Variants in SLCO4A1 observed in about 807,000 individuals in gnomAD.
The protein encoded by SLCO4A1 is solute carrier organic anion transporter family member 4A1, also known as colon organic anion transporter.
A neutral mutation model predicts 64.6 loss-of-function variants in SLCO4A1; 51 were observed. The ratio of observed to expected loss-of-function variants is 0.79; its 90% CI spans 0.63 to 1.00. The LOEUF is 1.00. Ranked by LOEUF, SLCO4A1 falls within the 50% of genes least tolerant of loss-of-function variation. The probability of loss-of-function intolerance (pLI) is 0.00; values close to 1 mark genes in which losing one functional copy is unlikely to be tolerated. For missense variants in SLCO4A1, 919 were observed against 980.5 expected, an observed-to-expected ratio of 0.94 and a Z score of 0.84; for synonymous variants, 471 against 444.9, an observed-to-expected ratio of 1.06 and a Z score of -0.74.
intron 2 of SLCO4A1, among the ~76,000 whole-genome samples, chr20:62,682,990 A>G (rs1040265313): frequency 1.3e-5 from 2 of 152,168 alleles, no homozygotes; most frequent in Non-Finnish European, 2.9e-5. Context: ...CCGCGGATGG[A>G]CCCTGAAGCT....
chr20:62,661,041 C>CCCCCCCCCCCCCCCCAAA lies in SLCO4A1; in HGVS notation c.1010-23_1010-22insCCCCCCCCCCCCCCCAAA. 23 of 1,424,114 alleles carry CCCCCCCCCCCCCCCCAAA rather than the reference C, an allele frequency of 1.6e-5. No individual in the cohort carries two copies. The highest frequency in any genetic ancestry group is 2.3e-5 in the Non-Finnish European group (23 of 1,010,114). 88.2% of individuals were successfully genotyped at this position (1,424,114 alleles called of 1,614,324 possible). A position where few individuals can be genotyped will look rare whatever the true frequency, so the allele number is the denominator to read the frequency against. ...TCCGGGAGCCCCCAGCCCCCAGCCC[C>CCCCCCCCCCCCCCCCAAA]AGCTCACTCTGTGCCCTTCCAGGCT... On this transcript the variant is annotated intron_variant, in intron 4 of 11. Coordinates refer to ENST00000217159, the MANE Select transcript of SLCO4A1 (RefSeq NM_016354.4). This position sits in a 1 kb window ranked among gnomAD's most constrained non-coding sequence, Gnocchi z 5.2.
Position 62,670,242 on chromosome 20 carries a change from C to T in SLCO4A1, c.2025+1164C>T, listed in dbSNP as rs190531600. On this transcript the variant is annotated intron_variant, in intron 11 of 11. Coordinates refer to ENST00000217159, the MANE Select transcript of SLCO4A1 (RefSeq NM_016354.4). ...ACTCTCTGTTAGGCGCGTCTCTGCT[C>T]AGGGAGTGGTGGTGTTTGGGGAAGC... 4.2e-4 allele frequency: 64 copies of T among 152,362 alleles called. 1 individual carries two copies. Among genetic ancestry groups the T allele is most frequent in the Admixed American group, 1.2e-3 (18 of 15,306 alleles). 9.4% of individuals were successfully genotyped at this position (152,362 alleles called of 1,614,324 possible). A position where few individuals can be genotyped will look rare whatever the true frequency, so the allele number is the denominator to read the frequency against.
intron 5 of SLCO4A1, among the ~76,000 whole-genome samples, chr20:62,662,835 C>G (rs895291540): frequency 1.5e-5 from 1 of 68,330 alleles, no homozygotes; most frequent in African/African-American, 5.2e-5. Context: ...ACCCCAGCCC[C>G]ATCCCCCCAC....
chr20:62,666,571 G>A lies in SLCO4A1; in HGVS notation c.1468G>A (p.Gly490Arg), dbSNP rs577773991. 3.3e-5 allele frequency: 53 copies of A among 1,611,918 alleles called. No homozygotes were observed. The highest frequency in any genetic ancestry group is 2.3e-4 in the Admixed American group (14 of 60,024). The change falls in exon 7 of 12, where the codon GGG becomes AGG. Residue 490 changes from glycine to arginine, a missense_variant. Transcript: ENST00000217159. ...PMAGVTASYG[G>R]SLLPEGHLNL... ...GGCGGGCGTCACAGCCAGCTACGGCGGGAGGTGAGGGCCAGATGGCACCTG... is the reference window on the plus strand; with the variant it reads ...GGCGGGCGTCACAGCCAGCTACGGCAGGAGGTGAGGGCCAGATGGCACCTG...
At chr20:62,656,038 G>T (rs984761801) in intron 1 of SLCO4A1, among the ~76,000 whole-genome samples, 4 of 152,232 alleles carry the variant, frequency 2.6e-5, no homozygotes, top group African/African-American at 7.2e-5. Flanking sequence ...CATCTCAGTA[G>T]GCCTTGCCCC....
At position 62,661,214 on chromosome 20, in the gene SLCO4A1, AC is replaced by A; in HGVS notation, c.1121+42del. ...TCGGGAGGGTTCCTAGTGTCCTCAG[AC>A]CCTTTAATGGTCCCCATCTTGGGGG... On this transcript the variant is annotated intron_variant, in intron 5 of 11. Coordinates refer to ENST00000217159, the MANE Select transcript of SLCO4A1 (RefSeq NM_016354.4). The surrounding 1 kb of genome is among the most constrained non-coding windows in gnomAD (Gnocchi z 5.2). 7.1e-7 allele frequency: 1 copy of A among 1,409,114 alleles called. No homozygotes were observed. The highest frequency in any genetic ancestry group is 1.0e-6 in the Non-Finnish European group (1 of 994,608). The allele number at this position is 1,409,114 out of a possible 1,614,324, so 87.3% of individuals were successfully genotyped here.
intron 11 of SLCO4A1, chr20:62,670,347 A>G (rs1488309987): frequency 2.0e-5 from 3 of 152,232 alleles, no homozygotes; most frequent in Non-Finnish European, 2.9e-5. Context: ...CAGGCTATTC[A>G]TGCCACCACC....
intron 1 of SLCO4A1, among the ~76,000 whole-genome samples, chr20:62,646,298 T>C (rs116015276): frequency 0.018 from 2,676 of 151,798 alleles, 64 homozygotes; most frequent in African/African-American, 0.061. Flanking sequence ...CCCTCAGGAG[T>C]CCCAGAGCCC....
intron 1 of SLCO4A1, 118 bp from the exon 2 acceptor site, chr20:62,656,241 A>C: frequency 1.9e-6 from 1 of 535,406 alleles, no homozygotes; most frequent in Non-Finnish European, 3.3e-6. Flanking sequence ...GAGGCTCTTG[A>C]GACAAGGCAG....
intron 6 of SLCO4A1, chr20:62,665,470 C>A (rs1360347383): frequency 5.6e-6 from 1 of 178,766 alleles, no homozygotes; most frequent in Non-Finnish European, 1.2e-5. Flanking sequence ...GTGCCAGAGG[C>A]AGGCTGGCCT....
chr20:62,659,176 GAC>G (rs1439198096), intron 3 of SLCO4A1, among the ~76,000 whole-genome samples: 2 of 152,154 alleles, frequency 1.3e-5, no homozygotes, highest in Non-Finnish European at 2.9e-5. Flanking sequence ...CAGAGGGAAA[GAC>G]ACGTAGAGAC....
intron 1 of SLCO4A1, among the ~76,000 whole-genome samples, chr20:62,653,564 C>T (rs1165316989): frequency 6.6e-6 from 1 of 152,236 alleles, no homozygotes; most frequent in African/African-American, 2.4e-5. Context: ...CCCCTCGCAG[C>T]CCCATGGCGG....
At position 62,642,777 on chromosome 20, in the gene SLCO4A1, G is replaced by A. The variant is rs1980604792; in HGVS notation, c.-97+224G>A. 3.3e-5 allele frequency among the ~76,000 whole-genome samples: 5 copies of A among 152,302 alleles called. 1 individual carries two copies. In the South Asian group the frequency reaches 1.0e-3, roughly 32 times the overall value. On this transcript the variant is annotated intron_variant, in intron 1 of 11. Transcript: ENST00000217159. ...AATTCGCCGCTTCCCGCCGCCGGCTGCGCAGGTAGGAGCTCCCGAGTCGCC... is the reference window on the plus strand; with the variant it reads ...AATTCGCCGCTTCCCGCCGCCGGCTACGCAGGTAGGAGCTCCCGAGTCGCC...
intron 7 of SLCO4A1, among the ~76,000 whole-genome samples, chr20:62,667,304 C>G (rs116710018): frequency 6.6e-6 from 1 of 152,172 alleles, no homozygotes; most frequent in Non-Finnish European, 1.5e-5. Flanking sequence ...TTGTGACTGC[C>G]GAGGGGCGTG....
intron 2 of SLCO4A1, among the ~76,000 whole-genome samples, chr20:62,678,371 G>A (rs991248840): frequency 2.6e-5 from 4 of 152,232 alleles, no homozygotes; most frequent in East Asian, 1.9e-4. Flanking sequence ...ACCCGTCGCC[G>A]GTAGACGTGG....
intron 8 of SLCO4A1, 37 bp downstream of exon 8, chr20:62,667,947 C>T (rs1396102308): frequency 6.2e-7 from 1 of 1,614,042 alleles, no homozygotes; most frequent in Non-Finnish European, 8.5e-7. Flanking sequence ...CTGTCCTCCC[C>T]TGGACCCTGG....
At chr20:62,647,798 G>T (rs1981638489) in intron 1 of SLCO4A1, among the ~76,000 whole-genome samples, 1 of 152,212 alleles carries the variant, frequency 6.6e-6, no homozygotes, top group Non-Finnish European at 1.5e-5. Flanking sequence ...CCACAGTCTG[G>T]GCTGTGCCAG....
chr20:62,683,863 C>T (rs1987946091), intron 2 of SLCO4A1, among the ~76,000 whole-genome samples: 1 of 152,042 alleles, frequency 6.6e-6, no homozygotes, highest in African/African-American at 2.4e-5. Flanking sequence ...ACACGCTCCC[C>T]ACACATGCAA....
At chr20:62,679,583 G>A (rs886653106) in intron 2 of SLCO4A1, among the ~76,000 whole-genome samples, 101 of 152,172 alleles carry the variant, frequency 6.6e-4, no homozygotes, top group African/African-American at 2.2e-3. Context: ...GGCTCGTTTC[G>A]AACTCCTGAG....
Sources: allele counts gnomAD v4.1 joint callset (sites outside exome capture counted in the v4.1 genomes callset), GRCh38; gene constraint gnomAD v4.1.1; non-coding constraint Gnocchi (gnomAD v3.1); transcripts MANE v1.5; gene names NCBI Gene and HGNC (gene_info 2026-07-23, HGNC 2026-07-21).